The following STK17B variants were observed in gnomAD, a reference collection of about 807,000 sequenced individuals.
The protein encoded by STK17B is serine/threonine kinase 17b.
A neutral mutation model predicts 42.0 loss-of-function variants in STK17B; 21 were observed. The ratio of observed to expected loss-of-function variants is 0.50; its 90% confidence interval spans 0.35 to 0.72. The LOEUF (loss-of-function observed/expected upper bound fraction) is 0.72, where lower values mean the gene tolerates loss of function less well. STK17B is among the 30% of genes least tolerant of loss of function. The pLI is 0.00. For synonymous variants in STK17B, 143 were observed against 148.4 expected (o/e 0.96, Z 0.26); for missense variants, 349 against 446.0 (o/e 0.78, Z 1.96).
At chr2:196,139,559 T>C in intron 7 of STK17B, 61 bp downstream of exon 7, 1 of 1,061,448 alleles carries the variant, frequency 9.4e-7, no homozygotes, top group Non-Finnish European at 1.2e-6. Context: ...ATATTATTTA[T>C]TCTGTAATAG....
At position 196,145,905 on chromosome 2, in the gene STK17B, C is replaced by T. The variant is rs189800561; in HGVS notation, c.480+6G>A. ...TGTTGCATTACTTTAAATCACGTTA[C>T]GTTACCTTTAAATCAAGGTGTACAA... is the stretch of plus-strand genomic sequence containing the variant. On this transcript the variant is annotated splice_donor_region_variant and intron_variant, in intron 4 of 7. Coordinates refer to ENST00000263955, the MANE Select transcript of STK17B (RefSeq NM_004226.4). 408 of 1,560,882 alleles carry T rather than the reference C, an allele frequency of 2.6e-4. No individual in the cohort carries two copies. The highest frequency in any genetic ancestry group is 6.0e-4 in the Middle Eastern group (3 of 5,032).
chr2:196,153,005 G>A (rs1023122963), intron 3 of STK17B: 3 of 151,570 alleles, frequency 2.0e-5, no homozygotes, highest in Admixed American at 6.6e-5. Context: ...GGCTGGTCTC[G>A]AACTCCTGGA....
At chr2:196,139,305 T>C (rs1000539371) in intron 7 of STK17B, among the ~76,000 whole-genome samples, 8 of 152,230 alleles carry the variant, frequency 5.3e-5, no homozygotes, top group Non-Finnish European at 1.2e-4. Context: ...TAAAGTCTTA[T>C]CATAACCAGC....
chr2:196,141,697 C>T (rs1699496399), intron 5 of STK17B, among the ~76,000 whole-genome samples: 1 of 152,002 alleles, frequency 6.6e-6, no homozygotes, highest in Non-Finnish European at 1.5e-5. Context: ...TTTTGGAAAG[C>T]CTAGTGATAT....
intron 2 of STK17B, among the ~76,000 whole-genome samples, chr2:196,157,922 A>G (rs1206943894): frequency 1.3e-5 from 2 of 152,222 alleles, no homozygotes; most frequent in Non-Finnish European, 2.9e-5. Context: ...AAATATACAC[A>G]AGCCCTTAAA....
chr2:196,138,546 TTAAC>T (rs981638079), intron 7 of STK17B, among the ~76,000 whole-genome samples: 2 of 152,116 alleles, frequency 1.3e-5, no homozygotes, highest in African/African-American at 4.8e-5. Flanking sequence ...AAGACGGTGC[TTAAC>T]TAACCTCCAA....
intron 3 of STK17B, chr2:196,153,131 G>A (rs377092214): frequency 6.7e-6 from 1 of 149,394 alleles, no homozygotes; most frequent in Non-Finnish European, 1.5e-5. Context: ...TAGAATTTCA[G>A]AATAAGAATA....
Position 196,152,033 on chromosome 2 carries a change from G to C in STK17B, c.335+4406C>G, listed in dbSNP as rs1051261950. Among the ~76,000 whole-genome samples, 12 of 151,684 alleles carry C rather than the reference G, an allele frequency of 7.9e-5. No homozygotes were observed. In the South Asian group the frequency reaches 1.0e-3, roughly 13 times the overall value. ...GCAAAACAAAACACAAAAGCAAAAAGAGGCTATAGTTGTTCCAGAAGAAAG... is the reference window on the plus strand; with the variant it reads ...GCAAAACAAAACACAAAAGCAAAAACAGGCTATAGTTGTTCCAGAAGAAAG... On this transcript the variant is annotated intron_variant, in intron 3 of 7. Coordinates refer to ENST00000263955, the MANE Select transcript of STK17B (RefSeq NM_004226.4).
At chr2:196,171,845 G>A (rs992128250), upstream of STK17B, among the ~76,000 whole-genome samples, 2 of 151,330 alleles carry the variant, frequency 1.3e-5, no homozygotes, top group Admixed American at 1.3e-4. Flanking sequence ...AGGGGGCGGC[G>A]CTGCAGAGGG....
In STK17B at chr2:196,156,480, C is replaced by T. The variant is rs1230759881; in HGVS notation, c.294G>A (p.Glu98=). ...TGATTTCACTTGTATTTTCATAGAC[C>T]TCATGAAGATTAATAACACGGGGAC... ...KSCPRVINLH[E]VYENTSEIIL... Residue 98 remains glutamate, a synonymous_variant, in exon 3 of 8, where the codon GAG becomes GAA. Coordinates refer to ENST00000263955, the MANE Select transcript of STK17B (RefSeq NM_004226.4). 1 of 1,613,880 alleles carries T rather than the reference C, an allele frequency of 6.2e-7. No homozygotes were observed. Among genetic ancestry groups the T allele is most frequent in the Admixed American group, 1.7e-5 (1 of 59,972 alleles).
At chr2:196,155,447 A>G (rs1266728400) in intron 3 of STK17B, among the ~76,000 whole-genome samples, 2 of 152,236 alleles carry the variant, frequency 1.3e-5, no homozygotes, top group African/African-American at 2.4e-5. Flanking sequence ...TATTTCGTGG[A>G]ACAAAAACAT....
intron 2 of STK17B, among the ~76,000 whole-genome samples, chr2:196,160,585 C>A (rs1699797559): frequency 6.6e-6 from 1 of 152,062 alleles, no homozygotes; most frequent in Non-Finnish European, 1.5e-5. Context: ...TTCACAAAAG[C>A]ATAGGATATT....
Position 196,153,242 on chromosome 2 carries a change from CA to C in STK17B, c.335+3196del, listed in dbSNP as rs1329946313. 6.0e-5 allele frequency: 3 copies of C among 49,814 alleles called. No individual in the cohort carries two copies. The East Asian group carries it at 3.0e-3, about 50-fold the overall frequency. 3.1% of individuals were successfully genotyped at this position (49,814 alleles called of 1,614,324 possible). A position where few individuals can be genotyped will look rare whatever the true frequency, so the allele number is the denominator to read the frequency against. On this transcript the variant is annotated intron_variant, in intron 3 of 7. Transcript: ENST00000263955. Reference sequence around the variant, plus strand: ...CCCTTAATGGACTATAGTCTAAGTGCAAAAACAATGTCCAAAAAAAAAAAAC... The same window carrying C: ...CCCTTAATGGACTATAGTCTAAGTGCAAAACAATGTCCAAAAAAAAAAAAC...
At chr2:196,153,582 TA>T (rs1699697462) in intron 3 of STK17B, 1 of 151,988 alleles carries the variant, frequency 6.6e-6, no homozygotes, top group Non-Finnish European at 1.5e-5. Flanking sequence ...ATTTGGTTTC[TA>T]AATGCTATTC....
chr2:196,150,439 A>G (rs1192091220), intron 3 of STK17B, among the ~76,000 whole-genome samples: 2 of 152,226 alleles, frequency 1.3e-5, no homozygotes, highest in Non-Finnish European at 2.9e-5. Context: ...CAGGTTACAC[A>G]GTCATGAAAA....
At chr2:196,174,390 C>T (rs959814690), upstream of STK17B, 7 of 152,240 alleles carry the variant, frequency 4.6e-5, no homozygotes, top group African/African-American at 1.4e-4. Flanking sequence ...TGATTCTCAC[C>T]GATTCCATGT....
At chr2:196,172,164 C>G (rs868466678), upstream of STK17B, among the ~76,000 whole-genome samples, 2 of 152,330 alleles carry the variant, frequency 1.3e-5, no homozygotes, top group South Asian at 4.1e-4. Flanking sequence ...CTAACGTCCG[C>G]TGTCGCGAAT....
At chr2:196,143,435 A>G in intron 5 of STK17B, 125 bp downstream of exon 5, 1 of 946,598 alleles carries the variant, frequency 1.1e-6, no homozygotes, top group Non-Finnish European at 1.5e-6. Flanking sequence ...TAATGTATCA[A>G]AATACTTGAA....
At chr2:196,145,336 C>T (rs1281510077) in intron 4 of STK17B, among the ~76,000 whole-genome samples, 2 of 151,956 alleles carry the variant, frequency 1.3e-5, no homozygotes, top group Non-Finnish European at 2.9e-5. Flanking sequence ...AAATGAGACA[C>T]AGACTGATTC....
Sources: allele counts gnomAD v4.1 joint callset (sites outside exome capture counted in the v4.1 genomes callset), GRCh38; gene constraint gnomAD v4.1.1; transcripts MANE v1.5; gene names NCBI Gene and HGNC (gene_info 2026-07-23, HGNC 2026-07-21).